Variants in SOX6 observed in about 807,000 individuals in gnomAD.
SOX6 encodes SRY-box transcription factor 6, also known as transcription factor SOX-6.
In SOX6, 11 loss-of-function variants were observed where a neutral mutation model predicts 97.8. The observed-to-expected ratio is 0.11, with a 90% CI of 0.07 to 0.19. The LOEUF is 0.19. Ranked by LOEUF, SOX6 falls within the 10% of genes least tolerant of loss-of-function variation. The pLI is 1.00. For missense variants in SOX6, 810 were observed against 1,039.5 expected, an observed-to-expected ratio of 0.78 and a Z score of 3.04; for synonymous variants, 360 against 371.4, an observed-to-expected ratio of 0.97 and a Z score of 0.35.
intron 4 of SOX6, among the ~76,000 whole-genome samples, chr11:16,512,015 T>A (rs1309602473): frequency 6.6e-6 from 1 of 152,204 alleles, no homozygotes; most frequent in African/African-American, 2.4e-5. Flanking sequence ...TAAAATGTCT[T>A]ATTTCAGAAC....
chr11:16,297,760 C>A (rs901299443), intron 3 of SOX6, among the ~76,000 whole-genome samples: 2 of 152,102 alleles, frequency 1.3e-5, no homozygotes, highest in Non-Finnish European at 2.9e-5. Flanking sequence ...CAAAGTTGGA[C>A]AGAATAGACT....
At position 16,183,866 on chromosome 11, in the gene SOX6, G is replaced by A; in HGVS notation, c.777+20C>T. 1.2e-6 allele frequency: 2 copies of A among 1,607,676 alleles called. No homozygotes were observed. Among genetic ancestry groups the A allele is most frequent in the Non-Finnish European group, 1.7e-6 (2 of 1,174,702 alleles). On this transcript the variant is annotated intron_variant, in intron 6 of 15. Transcript: ENST00000683767. ...AAAGTATCTAAGTATAATCAGACGAGAGTAATAAAATACACTGACCTGGAT... is the reference window on the plus strand; with the variant it reads ...AAAGTATCTAAGTATAATCAGACGAAAGTAATAAAATACACTGACCTGGAT...
At chr11:16,319,366 T>A (rs1855844164) in intron 2 of SOX6, among the ~76,000 whole-genome samples, 1 of 152,322 alleles carries the variant, frequency 6.6e-6, no homozygotes, top group South Asian at 2.1e-4. Flanking sequence ...TGTCTTTTTT[T>A]AGTTATTATT....
chr11:16,546,557 C>T (rs973492546), intron 4 of SOX6, among the ~76,000 whole-genome samples: 3 of 152,058 alleles, frequency 2.0e-5, no homozygotes, highest in African/African-American at 7.2e-5. Flanking sequence ...ACTGGATATC[C>T]ATATGCAGAA....
chr11:16,263,510 G>A (rs746639622), intron 3 of SOX6, among the ~76,000 whole-genome samples: 1 of 151,914 alleles, frequency 6.6e-6, no homozygotes, highest in Non-Finnish European at 1.5e-5. Context: ...CTGCTCATCA[G>A]ATATGGAAGA....
At chr11:16,285,404 C>T (rs1456732779) in intron 3 of SOX6, among the ~76,000 whole-genome samples, 3 of 152,026 alleles carry the variant, frequency 2.0e-5, no homozygotes, top group Non-Finnish European at 4.4e-5. Context: ...CGTGGTGGCA[C>T]ACGCCTGTAA....
chr11:16,530,178 T>C (rs1861219832), intron 4 of SOX6, among the ~76,000 whole-genome samples: 1 of 152,054 alleles, frequency 6.6e-6, no homozygotes, highest in Non-Finnish European at 1.5e-5. Flanking sequence ...ATTTCTAATC[T>C]TTAAATGAGA....
At chr11:16,556,258 C>T (rs1247483315) in intron 4 of SOX6, among the ~76,000 whole-genome samples, 3 of 151,684 alleles carry the variant, frequency 2.0e-5, no homozygotes, top group Non-Finnish European at 3.0e-5. Flanking sequence ...TGCTGATATT[C>T]TACATCCCCA....
intron 6 of SOX6, among the ~76,000 whole-genome samples, chr11:16,182,511 T>C (rs1030938376): frequency 6.6e-6 from 1 of 151,834 alleles, no homozygotes; most frequent in Non-Finnish European, 1.5e-5. Context: ...TGGACAGTTA[T>C]TTAATTAAGG....
intron 4 of SOX6, among the ~76,000 whole-genome samples, chr11:16,524,934 G>T (rs1346415967): frequency 6.6e-6 from 1 of 152,118 alleles, no homozygotes; most frequent in African/African-American, 2.4e-5. Context: ...GGGACGTGAA[G>T]GACCTCTTCA....
chr11:16,155,070 C>T (rs1315668213), intron 6 of SOX6, among the ~76,000 whole-genome samples: 1 of 151,384 alleles, frequency 6.6e-6, no homozygotes, highest in Non-Finnish European at 1.5e-5. Context: ...AAAAAGTTTT[C>T]TTTTTCTTTA....
chr11:15,975,047 T>A (rs994517880), intron 15 of SOX6, among the ~76,000 whole-genome samples: 4 of 152,210 alleles, frequency 2.6e-5, no homozygotes, highest in African/African-American at 9.6e-5. Flanking sequence ...TCACTGTATA[T>A]CATAAAAATG....
At chr11:16,100,640 A>T (rs948338366) in intron 7 of SOX6, among the ~76,000 whole-genome samples, 11 of 151,534 alleles carry the variant, frequency 7.3e-5, no homozygotes, top group Admixed American at 2.0e-4. Flanking sequence ...AATTAGTAAA[A>T]CTTAACGGCA....
intron 12 of SOX6, among the ~76,000 whole-genome samples, chr11:16,040,208 C>T (rs530546113): frequency 1.3e-5 from 2 of 152,130 alleles, no homozygotes; most frequent in South Asian, 4.1e-4. Context: ...ACACCTACAC[C>T]TATCCCTAGG....
intron 9 of SOX6, 79 bp downstream of exon 9, chr11:16,095,914 TAAA>T (rs5789938): frequency 3.7e-3 from 4,504 of 1,224,550 alleles, no homozygotes; most frequent in Non-Finnish European, 3.8e-3. Flanking sequence ...TTTGCCACTT[TAAA>T]AAAAAAAAAA....
chr11:15,976,333 G>A (rs761797020), intron 15 of SOX6, among the ~76,000 whole-genome samples: 48 of 152,108 alleles, frequency 3.2e-4, no homozygotes, highest in Non-Finnish European at 5.1e-4. Context: ...ATCCTGGGCA[G>A]GCTAATTATT....
At chr11:16,084,953 C>A (rs1215010429) in intron 9 of SOX6, among the ~76,000 whole-genome samples, 2 of 152,118 alleles carry the variant, frequency 1.3e-5, no homozygotes, top group East Asian at 3.9e-4. Flanking sequence ...TTTATCAACA[C>A]CATTGATAAA....
In SOX6 at chr11:16,428,645, G is replaced by T. The variant is rs971644343; in HGVS notation, c.-5+47670C>A. Among the ~76,000 whole-genome samples, 5 of 152,108 alleles carry T rather than the reference G, an allele frequency of 3.3e-5. No homozygotes were observed. In the South Asian group the frequency reaches 8.3e-4, roughly 25 times the overall value. On this transcript the variant is annotated intron_variant, in intron 1 of 15. Coordinates refer to the SOX6 transcript ENST00000396356. ...TAGATCAGATAGTTGTAGATATGTG[G>T]CATTATTTCTGAGGGCTCTGCTCTG...
chr11:16,108,652 A>T (rs1033514850), intron 7 of SOX6, among the ~76,000 whole-genome samples: 7 of 152,190 alleles, frequency 4.6e-5, no homozygotes, highest in Non-Finnish European at 7.3e-5. Flanking sequence ...TTTTAAAAAT[A>T]GGGATTAAAA....
Sources: allele counts gnomAD v4.1 joint callset (sites outside exome capture counted in the v4.1 genomes callset), GRCh38; gene constraint gnomAD v4.1.1; transcripts MANE v1.5; gene names NCBI Gene and HGNC (gene_info 2026-07-23, HGNC 2026-07-21).